The following ZNF564 variants were observed in gnomAD, a reference collection of about 807,000 sequenced individuals.
The protein encoded by ZNF564 is zinc finger protein 564.
Under a neutral mutation model 10.5 loss-of-function variants are expected in ZNF564, and 5 were observed. That is an observed-to-expected ratio of 0.48 (90% CI 0.25 to 1.00). The LOEUF (loss-of-function observed/expected upper bound fraction) is 1.00, where lower values mean the gene tolerates loss of function less well. Ranked by LOEUF, ZNF564 falls within the 50% of genes least tolerant of loss-of-function variation. The probability of loss-of-function intolerance (pLI) is 0.16; values close to 1 mark genes in which losing one functional copy is unlikely to be tolerated. For missense variants in ZNF564, 603 were observed against 669.7 expected (o/e 0.90, Z 1.10); for synonymous variants, 242 against 218.1 (o/e 1.11, Z -0.97).
At chr19:12,533,886 A>G (rs1416709962) in intron 1 of ZNF564, among the ~76,000 whole-genome samples, 1 of 151,952 alleles carries the variant, frequency 6.6e-6, no homozygotes, top group African/African-American at 2.4e-5. Context: ...TTAAAAAAAA[A>G]AAACAGAAGT....
Position 12,526,921 on chromosome 19 carries a change from T to C in ZNF564, c.1187A>G (p.Gln396Arg). Residue 396 changes from glutamine (Q) to arginine (R), a missense_variant, in exon 4 of 4, where the codon CAG becomes CGG. By Grantham distance (43) the Gln-to-Arg change is conservative (BLOSUM62 1). Transcript: ENST00000339282. ...KHTGDGPYKC[Q>R]VCGRAFDCPS... Reference sequence around the variant, plus strand: ...ACAGTCAAAGGCTCTACCACATACCTGACATTTATAAGGTCCATCTCCAGT... The same window carrying C: ...ACAGTCAAAGGCTCTACCACATACCCGACATTTATAAGGTCCATCTCCAGT... 1 of 1,614,216 alleles carries C rather than the reference T, an allele frequency of 6.2e-7. No individual in the cohort carries two copies. Among genetic ancestry groups the C allele is most frequent in the South Asian group, 1.1e-5 (1 of 91,084 alleles).
rs944902973 is a variant in ZNF564, at chr19:12,551,319, C to T, written c.3+11G>A. 2 of 1,607,438 alleles carry T rather than the reference C, an allele frequency of 1.2e-6. No homozygotes were observed. Among genetic ancestry groups the T allele is most frequent in the Non-Finnish European group, 8.5e-7 (1 of 1,177,162 alleles). ...CCCCCAGTCTCCAGGCGCCCGGCCC[C>T]GCACACGCACCATTTCCTGGCTTCC... On this transcript the variant is annotated intron_variant, in intron 1 of 3. Transcript: ENST00000339282.
At chr19:12,547,764 A>G (rs1168624833) in intron 1 of ZNF564, among the ~76,000 whole-genome samples, 1 of 150,582 alleles carries the variant, frequency 6.6e-6, no homozygotes, top group African/African-American at 2.4e-5. Flanking sequence ...TCTGAGGCAC[A>G]CTTGGCCTCA....
At chr19:12,550,475 G>T in intron 1 of ZNF564, 1 of 268,630 alleles carries the variant, frequency 3.7e-6, no homozygotes, top group Non-Finnish European at 8.0e-6. Context: ...GGCCAACATG[G>T]AGAAACCCAG....
At chr19:12,537,134 T>C (rs939697783) in intron 1 of ZNF564, among the ~76,000 whole-genome samples, 1 of 152,150 alleles carries the variant, frequency 6.6e-6, no homozygotes, top group Non-Finnish European at 1.5e-5. Context: ...GTAGCACGCA[T>C]CCCCACTTTG....
intron 1 of ZNF564, among the ~76,000 whole-genome samples, chr19:12,539,503 C>CAA (rs1181815609): frequency 1.7e-4 from 11 of 63,994 alleles, no homozygotes; most frequent in South Asian, 4.3e-4. Flanking sequence ...AATAAAAATA[C>CAA]AAAAAAAAAA....
intron 1 of ZNF564, among the ~76,000 whole-genome samples, chr19:12,536,663 C>T (rs1014001905): frequency 4.6e-5 from 7 of 152,056 alleles, no homozygotes; most frequent in Non-Finnish European, 7.4e-5. Flanking sequence ...GTCTAGAATT[C>T]GGACATGGAT....
chr19:12,541,066 CAAA>C (rs35848835), intron 1 of ZNF564, among the ~76,000 whole-genome samples: 4 of 59,736 alleles, frequency 6.7e-5, no homozygotes, highest in African/African-American at 1.5e-4. Context: ...CCTGTCTCTA[CAAA>C]AAAAAAAAAA....
intron 1 of ZNF564, among the ~76,000 whole-genome samples, chr19:12,536,927 C>A (rs2021927147): frequency 6.6e-6 from 1 of 152,116 alleles, no homozygotes; most frequent in East Asian, 1.9e-4. Context: ...ATTTTCATCA[C>A]CTCAAAAATA....
intron 1 of ZNF564, among the ~76,000 whole-genome samples, chr19:12,534,631 T>C (rs964885567): frequency 1.3e-5 from 2 of 151,932 alleles, no homozygotes; most frequent in Non-Finnish European, 2.9e-5. Flanking sequence ...CTGGCCAACA[T>C]GGTGAAACCT....
Position 12,528,292 on chromosome 19 carries a change from AGT to A in ZNF564, c.191+10_191+11del. On this transcript the variant is annotated intron_variant, in intron 3 of 3. Transcript: ENST00000339282. ...GAAGGAGACATTGCTTTATCTTGTC[AGT>A]GCAAATTACCTTAAAATTCTCCCCT... 1 of 1,604,772 alleles carries A rather than the reference AGT, an allele frequency of 6.2e-7. No homozygotes were observed. The highest frequency in any genetic ancestry group is 1.7e-4 in the Middle Eastern group (1 of 6,044).
At chr19:12,551,238 T>G in intron 1 of ZNF564, 92 bp downstream of exon 1, 1 of 1,440,524 alleles carries the variant, frequency 6.9e-7, no homozygotes. Flanking sequence ...CTGGAGTCGC[T>G]GCAGGGAGGC....
At position 12,540,992 on chromosome 19, in the gene ZNF564, CAG is replaced by C. The variant is rs776752109; in HGVS notation, c.3+10336_3+10337del. On this transcript the variant is annotated intron_variant, in intron 1 of 3. Coordinates refer to ENST00000339282, the MANE Select transcript of ZNF564 (RefSeq NM_144976.4). ...TACCACTGCACTCCAGCCTGGGCAA[CAG>C]AGACTCTGTCTCAAAAAAAAAAAAA... 3.5e-4 allele frequency among the ~76,000 whole-genome samples: 43 copies of C among 123,726 alleles called. 1 individual carries two copies. The highest frequency in any genetic ancestry group is 6.3e-4 in the Admixed American group (6 of 9,528). 81.2% of individuals were successfully genotyped at this position (123,726 alleles called of 152,430 possible).
At chr19:12,546,599 T>C (rs1266170998) in intron 1 of ZNF564, among the ~76,000 whole-genome samples, 3 of 151,680 alleles carry the variant, frequency 2.0e-5, no homozygotes, top group Non-Finnish European at 4.4e-5. Flanking sequence ...GGAATGGTGG[T>C]GGGCACCTGT....
rs1208863353 is a variant in ZNF564, at chr19:12,526,477, G to A, written c.1631C>T (p.Thr544Ile). ...VKNVGKLSFI[T>I]QPSNTCENE ...ATTTTCACAGGTATTCGAAGGTTGT[G>A]TGATAAATGAAAGCTTTCCCACATT... The change falls in exon 4 of 4, where the codon ACA (threonine) becomes ATA (isoleucine). Residue 544 changes from threonine (T) to isoleucine (I), a missense_variant. By Grantham distance (89) the Thr-to-Ile change is moderately conservative. Transcript: ENST00000339282. 1 of 1,605,142 alleles carries A rather than the reference G, an allele frequency of 6.2e-7. No homozygotes were observed. Among genetic ancestry groups the A allele is most frequent in the African/African-American group, 1.3e-5 (1 of 74,324 alleles).
chr19:12,531,459 T>C (rs1398823037), intron 1 of ZNF564, among the ~76,000 whole-genome samples: 3 of 151,788 alleles, frequency 2.0e-5, no homozygotes, highest in African/African-American at 2.4e-5. Flanking sequence ...CCCAGCTACC[T>C]GGGAGGCCGA....
intron 1 of ZNF564, 32 bp downstream of exon 1, chr19:12,551,298 C>G (rs1336879667): frequency 2.5e-6 from 4 of 1,602,526 alleles, no homozygotes; most frequent in Admixed American, 1.7e-5. Context: ...GCCCCTCCCC[C>G]AGTCTCCAGG....
chr19:12,541,863 A>T (rs2022057717), intron 1 of ZNF564, among the ~76,000 whole-genome samples: 1 of 151,274 alleles, frequency 6.6e-6, no homozygotes. Context: ...AAAATACAAA[A>T]AATTAGCTGG....
intron 1 of ZNF564, among the ~76,000 whole-genome samples, chr19:12,543,333 G>GAGGGGAAGGGGAAGGGGA (rs1006371038): frequency 7.0e-6 from 1 of 143,480 alleles, no homozygotes; most frequent in Non-Finnish European, 1.5e-5. Flanking sequence ...AAGGGGAGGG[G>GAGGGGAAGGGGAAGGGGA]AGGGGAAGGG....
Sources: allele counts gnomAD v4.1 joint callset (sites outside exome capture counted in the v4.1 genomes callset), GRCh38; gene constraint gnomAD v4.1.1; transcripts MANE v1.5; gene names NCBI Gene and HGNC (gene_info 2026-07-23, HGNC 2026-07-21).